Variants in HPSE2 observed in about 807,000 individuals in gnomAD.
HPSE2 encodes inactive heparanase-2.
A neutral mutation model predicts 60.5 loss-of-function variants in HPSE2; 38 were observed. The observed-to-expected ratio is 0.63, with a 90% CI of 0.48 to 0.82. HPSE2 has a LOEUF of 0.82. Ranked by LOEUF, HPSE2 falls within the 40% of genes least tolerant of loss-of-function variation. HPSE2 has a pLI of 0.00. For synonymous variants in HPSE2, 295 were observed against 293.2 expected (o/e 1.01, Z -0.06); for missense variants, 713 against 740.4 (o/e 0.96, Z 0.43).
chr10:99,314,308 G>T, the HPSE2 span, among the ~76,000 whole-genome samples: 2 of 151,878 alleles, frequency 1.3e-5, no homozygotes, highest in African/African-American at 4.8e-5. Flanking sequence ...GACTATAGGT[G>T]CAGGCCACCA....
At chr10:99,087,075 G>T (rs1843346907) in intron 3 of HPSE2, among the ~76,000 whole-genome samples, 1 of 152,178 alleles carries the variant, frequency 6.6e-6, no homozygotes, top group Non-Finnish European at 1.5e-5. Context: ...AAATCTTAGG[G>T]GTTAGAATTT....
chr10:99,245,672 G>A, the HPSE2 span, among the ~76,000 whole-genome samples: 1 of 152,332 alleles, frequency 6.6e-6, no homozygotes, highest in East Asian at 1.9e-4. Context: ...CTTCTTGCAT[G>A]CTGATGGAAG....
chr10:98,984,828 G>C (rs1211053688), intron 3 of HPSE2, among the ~76,000 whole-genome samples: 1 of 152,188 alleles, frequency 6.6e-6, no homozygotes, highest in Non-Finnish European at 1.5e-5. Flanking sequence ...CACGGCACGA[G>C]AACTACGTGA....
intron 2 of HPSE2, among the ~76,000 whole-genome samples, chr10:99,205,977 A>G (rs1309400194): frequency 1.3e-5 from 2 of 152,210 alleles, no homozygotes; most frequent in Non-Finnish European, 2.9e-5. Context: ...GACTAACATC[A>G]TGGGACTCAT....
At chr10:99,213,182 T>C (rs929432599) in intron 2 of HPSE2, among the ~76,000 whole-genome samples, 2 of 151,904 alleles carry the variant, frequency 1.3e-5, no homozygotes, top group Middle Eastern at 3.2e-3. Context: ...AAAATAAGAA[T>C]GAAATTTTTT....
chr10:98,779,590 T>C (rs961588638), intron 3 of HPSE2, among the ~76,000 whole-genome samples: 1 of 152,164 alleles, frequency 6.6e-6, no homozygotes, highest in African/African-American at 2.4e-5. Context: ...ATCTTCAGAA[T>C]TCAAATATTA....
intron 9 of HPSE2, among the ~76,000 whole-genome samples, chr10:98,577,816 A>C (rs1433809893): frequency 6.6e-6 from 1 of 152,094 alleles, no homozygotes; most frequent in Non-Finnish European, 1.5e-5. Context: ...TGACATTGAC[A>C]ATAAAGTTTA....
chr10:99,180,622 T>C (rs926257686), intron 2 of HPSE2, among the ~76,000 whole-genome samples: 5 of 152,052 alleles, frequency 3.3e-5, no homozygotes, highest in African/African-American at 9.7e-5. Context: ...CGGTGGCTCA[T>C]GCCTGTAATC....
intron 8 of HPSE2, among the ~76,000 whole-genome samples, chr10:98,616,715 G>C (rs1945921002): frequency 6.6e-6 from 1 of 151,902 alleles, no homozygotes; most frequent in African/African-American, 2.4e-5. Context: ...TAAATCAAAA[G>C]GGAAATCTGA....
chr10:98,467,555 T>C (rs1940592214), intron 11 of HPSE2, among the ~76,000 whole-genome samples: 1 of 152,124 alleles, frequency 6.6e-6, no homozygotes, highest in Non-Finnish European at 1.5e-5. Flanking sequence ...TGTGTGTTTG[T>C]ATGGGCCTGC....
At chr10:99,314,456 C>G in the HPSE2 span, among the ~76,000 whole-genome samples, 1 of 152,176 alleles carries the variant, frequency 6.6e-6, no homozygotes, top group Non-Finnish European at 1.5e-5. Context: ...AGCCACTGAG[C>G]CTGGCCTAAA....
chr10:98,462,870 T>A (rs1940358336), intron 11 of HPSE2, among the ~76,000 whole-genome samples: 1 of 152,142 alleles, frequency 6.6e-6, no homozygotes, highest in East Asian at 1.9e-4. Context: ...TCTATGAACT[T>A]CTGTATCTCC....
intron 2 of HPSE2, among the ~76,000 whole-genome samples, chr10:99,222,467 A>G (rs367582581): frequency 2.8e-4 from 42 of 152,344 alleles, no homozygotes; most frequent in Admixed American, 8.5e-4. Context: ...TTCTCTTCAC[A>G]GGACTTCACT....
At chr10:99,273,499 A>C in the HPSE2 span, among the ~76,000 whole-genome samples, 1 of 152,202 alleles carries the variant, frequency 6.6e-6, no homozygotes, top group African/African-American at 2.4e-5. Context: ...CTTTGGCCTA[A>C]ATGCAATAAT....
intron 3 of HPSE2, among the ~76,000 whole-genome samples, chr10:99,100,122 A>G (rs1243967701): frequency 6.6e-6 from 1 of 152,248 alleles, no homozygotes; most frequent in Non-Finnish European, 1.5e-5. Context: ...CTTGTCAGCA[A>G]TGGAACAAAG....
intron 3 of HPSE2, among the ~76,000 whole-genome samples, chr10:98,887,520 G>T (rs1953199336): frequency 6.6e-6 from 1 of 152,124 alleles, no homozygotes; most frequent in South Asian, 2.1e-4. Context: ...CATTATGAAA[G>T]CCATAGGGCC....
At chr10:98,954,958 T>TTATA (rs34653496) in intron 3 of HPSE2, among the ~76,000 whole-genome samples, 2 of 117,534 alleles carry the variant, frequency 1.7e-5, no homozygotes, top group South Asian at 6.1e-4. Context: ...AGCATCAATT[T>TTATA]TATATATATA....
intron 11 of HPSE2, among the ~76,000 whole-genome samples, chr10:98,470,661 C>T (rs1476409648): frequency 6.6e-6 from 1 of 152,256 alleles, no homozygotes; most frequent in African/African-American, 2.4e-5. Context: ...TATTCTGCTG[C>T]TCTCTCACTT....
rs954745387 is a variant in HPSE2 at position 99,047,618 on chromosome 10, A to C, written c.610+96620T>G. 6 of 670,846 alleles carry C rather than the reference A, an allele frequency of 8.9e-6. No homozygotes were observed. In the African/African-American group the frequency reaches 1.1e-4, roughly 12 times the overall value. The allele number at this position is 670,846 out of a possible 1,614,324, so 41.6% of individuals were successfully genotyped here. On this transcript the variant is annotated intron_variant, in intron 3 of 11. Transcript: ENST00000370552. The stretch of plus-strand genomic sequence containing the variant: ...CTATAAGGGACTTAAATCAACAAGC[A>C]GCTCTTTTCTGGCTGGAACCATGGA...
Sources: gnomAD v4.1 joint callset for allele counts (sites outside exome capture counted in the v4.1 genomes callset) on GRCh38, gnomAD v4.1.1 for gene constraint, MANE v1.5 for transcripts, NCBI Gene and HGNC (gene_info 2026-07-23, HGNC 2026-07-21) for gene names.